Variants in CLIC6 observed in about 807,000 individuals in gnomAD.
CLIC6 encodes the protein CLIC family member 6, also known as chloride intracellular channel protein 6.
A neutral mutation model predicts 49.2 loss-of-function variants in CLIC6; 39 were observed. The observed-to-expected ratio is 0.79, with a 90% CI of 0.61 to 1.04. The LOEUF (loss-of-function observed/expected upper bound fraction) is 1.04. Among genes scored for constraint, CLIC6 ranks in the 50% least tolerant of loss-of-function variants. CLIC6 has a pLI of 0.00. For missense variants in CLIC6, 988 were observed against 993.1 expected (o/e 0.99, Z 0.07); for synonymous variants, 446 against 433.4 (o/e 1.03, Z -0.36).
chr21:34,696,112 A>C (rs571102648), intron 1 of CLIC6, among the ~76,000 whole-genome samples: 1 of 152,240 alleles, frequency 6.6e-6, no homozygotes, highest in East Asian at 1.9e-4. Flanking sequence ...CATCAAACCC[A>C]TTGTCATCTG....
At chr21:34,706,395 C>A (rs183883189) in intron 1 of CLIC6, among the ~76,000 whole-genome samples, 3 of 152,312 alleles carry the variant, frequency 2.0e-5, no homozygotes, top group Non-Finnish European at 4.4e-5. Flanking sequence ...TCCCGTCAGG[C>A]CCTGCCTCCA....
At chr21:34,711,779 G>A (rs926818426) in intron 5 of CLIC6, among the ~76,000 whole-genome samples, 5 of 152,076 alleles carry the variant, frequency 3.3e-5, no homozygotes, top group African/African-American at 1.2e-4. Flanking sequence ...GCCTTCAGGA[G>A]GTTGCTGATC....
chr21:34,706,519 C>T (rs753068818), intron 1 of CLIC6, among the ~76,000 whole-genome samples: 21 of 152,290 alleles, frequency 1.4e-4, no homozygotes, highest in Admixed American at 1.2e-3. Flanking sequence ...CACATACACC[C>T]GTGTAGCCAC....
At position 34,709,472 on chromosome 21, in the gene CLIC6, G is replaced by C; in HGVS notation, c.1833G>C (p.Lys611Asn). The change falls in exon 5 of 6, where the codon AAG (lysine) becomes AAC (asparagine). Residue 611 changes from lysine (K) to asparagine (N), a missense_variant. By Grantham distance (94) the Lys-to-Asn change is moderately conservative. This residue lies in a region of CLIC6 where 647 missense variants were observed against 596.9 expected (regional missense o/e 1.08). Transcript: ENST00000349499. ...STEDVTVSGR[K>N]FLDGDELTLA... ...AGGATGTCACTGTTTCTGGAAGGAA[G>C]TTTCTGGATGGGGACGAGCTGACGC... The C allele has an allele frequency of 6.2e-7, 1 of 1,614,054 alleles. No individual in the cohort carries two copies. The highest frequency in any genetic ancestry group is 8.5e-7 in the Non-Finnish European group (1 of 1,179,902).
chr21:34,678,633 G>T (rs1178047585), intron 1 of CLIC6, among the ~76,000 whole-genome samples: 1 of 152,096 alleles, frequency 6.6e-6, no homozygotes, highest in Non-Finnish European at 1.5e-5. Context: ...TATATTGTTA[G>T]AAATGGTTGT....
chr21:34,702,872 GT>G lies in CLIC6; in HGVS notation c.1375-4407del, dbSNP rs147826950. Among the ~76,000 whole-genome samples the G allele has an allele frequency of 5.8e-4, 88 of 152,308 alleles. 2 individuals are homozygous for G. The East Asian group carries it at 0.016, about 28-fold the overall frequency. ...TGCCAACAGAGAGAGCCCTGGCTGG[GT>G]CTTCTGGCCCCTTTGTTCCCCTCTG... is the stretch of plus-strand genomic sequence containing the variant. On this transcript the variant is annotated intron_variant, in intron 1 of 5. Coordinates refer to ENST00000349499, the MANE Select transcript of CLIC6 (RefSeq NM_053277.3).
intron 1 of CLIC6, among the ~76,000 whole-genome samples, chr21:34,683,764 C>A (rs766875219): frequency 3.3e-5 from 5 of 152,174 alleles, no homozygotes; most frequent in Non-Finnish European, 7.3e-5. Context: ...TCACCTTCCA[C>A]CATGATTGTA....
intron 1 of CLIC6, among the ~76,000 whole-genome samples, chr21:34,683,427 G>A (rs1273244291): frequency 6.6e-6 from 1 of 152,182 alleles, no homozygotes; most frequent in Non-Finnish European, 1.5e-5. Context: ...TTGTGCTCCA[G>A]TCTGTTGAAA....
At chr21:34,691,658 A>T (rs1989997013) in intron 1 of CLIC6, among the ~76,000 whole-genome samples, 1 of 152,198 alleles carries the variant, frequency 6.6e-6, no homozygotes, top group African/African-American at 2.4e-5. Context: ...TTTAAATGAA[A>T]AATACCATCC....
In CLIC6 at chr21:34,669,304, C is replaced by A. The variant is rs572450836; in HGVS notation, c.-85C>A. 2 of 1,108,344 alleles carry A rather than the reference C, an allele frequency of 1.8e-6. No individual in the cohort carries two copies. The highest frequency in any genetic ancestry group is 1.6e-5 in the African/African-American group (1 of 62,036). 68.7% of individuals were successfully genotyped at this position (1,108,344 alleles called of 1,614,324 possible). A position where few individuals can be genotyped will look rare whatever the true frequency, so the allele number is the denominator to read the frequency against. ...GCGTCCTTCAAGGAGCACAGAGGGCCCCGTAGCACGCCCCTTGCCCAGCGC... is the reference window on the plus strand; with the variant it reads ...GCGTCCTTCAAGGAGCACAGAGGGCACCGTAGCACGCCCCTTGCCCAGCGC... On this transcript the variant is annotated 5_prime_UTR_variant, in exon 1 of 6. Coordinates refer to ENST00000349499, the MANE Select transcript of CLIC6 (RefSeq NM_053277.3).
At chr21:34,696,789 C>T (rs1367692188) in intron 1 of CLIC6, among the ~76,000 whole-genome samples, 1 of 152,052 alleles carries the variant, frequency 6.6e-6, no homozygotes, top group Non-Finnish European at 1.5e-5. Flanking sequence ...AAAGACAGAA[C>T]TGGAATCTGC....
At chr21:34,674,385 C>T (rs1030683378) in intron 1 of CLIC6, among the ~76,000 whole-genome samples, 1 of 152,232 alleles carries the variant, frequency 6.6e-6, no homozygotes, top group Non-Finnish European at 1.5e-5. Context: ...AGCCACCATG[C>T]CTGGCCTCTC....
chr21:34,709,267 C>T (rs956755043), intron 4 of CLIC6, 90 bp from the exon 5 acceptor site: 24 of 1,172,054 alleles, frequency 2.0e-5, no homozygotes, highest in African/African-American at 3.1e-5. Context: ...CACATCTCAG[C>T]GAGGAAGGGA....
At chr21:34,699,939 T>A (rs1460801067) in intron 1 of CLIC6, among the ~76,000 whole-genome samples, 1 of 152,094 alleles carries the variant, frequency 6.6e-6, no homozygotes, top group Non-Finnish European at 1.5e-5. Flanking sequence ...GGACTGGGCA[T>A]GATGTTTACA....
chr21:34,670,751 C>A lies in CLIC6; in HGVS notation c.1363C>A (p.Leu455Ile), dbSNP rs776923598. ...CCTGGGGCAGGAGCACGACATCACCCTCTTCGTCAAGGTAAAGCTCGCTTC... is the reference window on the plus strand; with the variant it reads ...CCTGGGGCAGGAGCACGACATCACCATCTTCGTCAAGGTAAAGCTCGCTTC... Reference protein sequence around the residue: ...RALGQEHDITLFVKAGYDGES... With the variant: ...RALGQEHDITIFVKAGYDGES... Residue 455 changes from leucine to isoleucine, a missense_variant, in exon 1 of 6, where the codon CTC becomes ATC. Physicochemically the swap from Leu to Ile is conservative, Grantham distance 5. This residue lies in a region of CLIC6 where 647 missense variants were observed against 596.9 expected (regional missense o/e 1.08). Coordinates refer to ENST00000349499, the MANE Select transcript of CLIC6 (RefSeq NM_053277.3). 6.3e-7 allele frequency: 1 copy of A among 1,599,718 alleles called. No homozygotes were observed. The highest frequency in any genetic ancestry group is 8.5e-7 in the Non-Finnish European group (1 of 1,177,852).
At position 34,669,016 on chromosome 21, in the gene CLIC6, G is replaced by T. The variant is rs2145791687; in HGVS notation, c.-373G>T. Among the ~76,000 whole-genome samples, 1 of 152,318 alleles carries T rather than the reference G, an allele frequency of 6.6e-6. No individual in the cohort carries two copies. The highest frequency in any genetic ancestry group is 2.1e-4 in the South Asian group (1 of 4,832). ...GTCAACCCCAGGACAGCGGACAGCGGGCCGGGCACTTCCAAAGGCGCAGGA... is the reference window on the plus strand; with the variant it reads ...GTCAACCCCAGGACAGCGGACAGCGTGCCGGGCACTTCCAAAGGCGCAGGA... On this transcript the variant is annotated 5_prime_UTR_variant, in exon 1 of 6. Coordinates refer to ENST00000349499, the MANE Select transcript of CLIC6 (RefSeq NM_053277.3).
chr21:34,688,986 T>A (rs1989936945), intron 1 of CLIC6, among the ~76,000 whole-genome samples: 1 of 152,146 alleles, frequency 6.6e-6, no homozygotes, highest in Admixed American at 6.5e-5. Context: ...GATCTTCCTT[T>A]CTAATCTCTC....
At chr21:34,688,776 A>G (rs182570054) in intron 1 of CLIC6, among the ~76,000 whole-genome samples, 1 of 152,284 alleles carries the variant, frequency 6.6e-6, no homozygotes, top group Admixed American at 6.5e-5. Context: ...CTCCTTCTCT[A>G]AGGGAGACTT....
intron 1 of CLIC6, among the ~76,000 whole-genome samples, chr21:34,693,975 CTTTTTTT>C (rs71196904): frequency 2.4e-5 from 3 of 124,660 alleles, no homozygotes; most frequent in Admixed American, 8.1e-5. Flanking sequence ...TTGTTGTTTT[CTTTTTTT>C]TTTTTTTTTT....
Sources: gnomAD v4.1 joint callset for allele counts (sites outside exome capture counted in the v4.1 genomes callset) on GRCh38, gnomAD v4.1.1 for gene constraint, gnomAD v4.1.1 regional missense constraint, MANE v1.5 for transcripts, NCBI Gene and HGNC (gene_info 2026-07-23, HGNC 2026-07-21) for gene names.